The following MGAT4C variants were observed in gnomAD, a reference collection of about 807,000 sequenced individuals.
The protein encoded by MGAT4C is alpha-1,3-mannosyl-glycoprotein 4-beta-N-acetylglucosaminyltransferase C.
A neutral mutation model predicts 40.1 loss-of-function variants in MGAT4C; 19 were observed. The ratio of observed to expected loss-of-function variants is 0.47; its 90% CI spans 0.33 to 0.70. The LOEUF is 0.70. Among genes scored for constraint, MGAT4C ranks in the 30% least tolerant of loss-of-function variants. The probability of loss-of-function intolerance (pLI) is 0.02; values close to 1 mark genes in which losing one functional copy is unlikely to be tolerated. For missense variants in MGAT4C, 491 were observed against 563.2 expected (o/e 0.87, Z 1.30); for synonymous variants, 181 against 187.1 (o/e 0.97, Z 0.27).
intron 3 of MGAT4C, among the ~76,000 whole-genome samples, chr12:86,354,364 G>T (rs1438645413): frequency 2.0e-5 from 3 of 152,068 alleles, no homozygotes; most frequent in Non-Finnish European, 4.4e-5. Flanking sequence ...ATATATAGAA[G>T]AACTAGGCAT....
At chr12:86,103,522 T>C (rs1875513028) in intron 1 of MGAT4C, among the ~76,000 whole-genome samples, 1 of 152,182 alleles carries the variant, frequency 6.6e-6, no homozygotes, top group Middle Eastern at 3.2e-3. Context: ...AGAGCCTCTG[T>C]AGGGAGTGCC....
intron 2 of MGAT4C, among the ~76,000 whole-genome samples, chr12:86,707,866 G>T (rs1384783876): frequency 2.6e-5 from 4 of 152,132 alleles, no homozygotes; most frequent in Non-Finnish European, 5.9e-5. Flanking sequence ...AAACATTCAA[G>T]ATGTGACTTG....
At chr12:86,386,955 A>C (rs1956063719) in intron 3 of MGAT4C, among the ~76,000 whole-genome samples, 1 of 152,186 alleles carries the variant, frequency 6.6e-6, no homozygotes, top group Non-Finnish European at 1.5e-5. Flanking sequence ...TTTCTCTCAG[A>C]AGTCTAAGCT....
intron 4 of MGAT4C, among the ~76,000 whole-genome samples, chr12:86,316,589 A>G (rs1019223169): frequency 1.3e-5 from 2 of 152,220 alleles, no homozygotes; most frequent in Non-Finnish European, 2.9e-5. Context: ...GCTGAAGGCC[A>G]TTATCCTCAG....
chr12:86,591,491 TTTG>T (rs570262686), intron 2 of MGAT4C, among the ~76,000 whole-genome samples: 41 of 152,108 alleles, frequency 2.7e-4, no homozygotes, highest in Non-Finnish European at 5.0e-4. Context: ...TGCAATCTGC[TTTG>T]TTATTTTTTA....
chr12:86,138,311 T>G (rs997406714), intron 1 of MGAT4C, among the ~76,000 whole-genome samples: 1 of 148,896 alleles, frequency 6.7e-6, no homozygotes, highest in African/African-American at 2.5e-5. Context: ...TTACAATCAT[T>G]TTTTTTTTTT....
intron 1 of MGAT4C, among the ~76,000 whole-genome samples, chr12:86,173,199 A>G (rs754703322): frequency 3.9e-5 from 6 of 152,048 alleles, no homozygotes; most frequent in Non-Finnish European, 8.8e-5. Flanking sequence ...GTTATCCCTC[A>G]CCTAAAAGTG....
intron 1 of MGAT4C, among the ~76,000 whole-genome samples, chr12:86,781,688 C>A (rs940035504): frequency 6.6e-6 from 1 of 151,930 alleles, no homozygotes; most frequent in Non-Finnish European, 1.5e-5. Context: ...TTCAGTGATA[C>A]CATTTTAGAC....
rs562804703 is a variant in MGAT4C at position 85,976,691 on chromosome 12, T to G, written c.*2598A>C. The G allele has an allele frequency of 1.4e-5, 2 of 146,846 alleles. No homozygotes were observed. The highest frequency in any genetic ancestry group is 3.9e-4 in the East Asian group (2 of 5,114). The allele number at this position is 146,846 out of a possible 1,614,324, so 9.1% of individuals were successfully genotyped here. A position where few individuals can be genotyped will look rare whatever the true frequency, so the allele number is the denominator to read the frequency against. ...TATATTATATATATGTATATATGTA[T>G]TATATATGTATATATATATAAACTT... On this transcript the variant is annotated 3_prime_UTR_variant, in exon 5 of 5. Transcript: ENST00000611864.
At chr12:86,836,962 GA>G (rs1316307974) in intron 1 of MGAT4C, among the ~76,000 whole-genome samples, 1 of 152,020 alleles carries the variant, frequency 6.6e-6, no homozygotes, top group African/African-American at 2.4e-5. Context: ...TTTAAAAATA[GA>G]AAAGAGAGAG....
intron 2 of MGAT4C, among the ~76,000 whole-genome samples, chr12:86,621,324 T>G (rs898974930): frequency 1.8e-4 from 27 of 152,130 alleles, no homozygotes; most frequent in African/African-American, 6.5e-4. Flanking sequence ...AAATAATTGT[T>G]TTTGCATATT....
chr12:86,346,355 G>C (rs1955031995), intron 3 of MGAT4C, among the ~76,000 whole-genome samples: 1 of 152,080 alleles, frequency 6.6e-6, no homozygotes. Flanking sequence ...CTCCCAAGTA[G>C]CTGGAACTAC....
intron 1 of MGAT4C, among the ~76,000 whole-genome samples, chr12:86,773,529 A>T (rs943415968): frequency 6.6e-6 from 1 of 152,184 alleles, no homozygotes; most frequent in African/African-American, 2.4e-5. Context: ...CAAACAAACC[A>T]AAAACTTCTT....
At chr12:86,494,601 C>T (rs2136327098) in intron 2 of MGAT4C, among the ~76,000 whole-genome samples, 1 of 150,764 alleles carries the variant, frequency 6.6e-6, no homozygotes, top group Non-Finnish European at 1.5e-5. Flanking sequence ...GCAAGAAACC[C>T]CACAAACCAT....
At chr12:86,393,759 G>T (rs1202053638) in intron 3 of MGAT4C, among the ~76,000 whole-genome samples, 1 of 146,390 alleles carries the variant, frequency 6.8e-6, no homozygotes, top group Non-Finnish European at 1.5e-5. Context: ...TATGGAGAAT[G>T]ATGTCTTTCA....
upstream of MGAT4C, among the ~76,000 whole-genome samples, chr12:86,257,580 AT>A (rs1952558513): frequency 6.6e-6 from 1 of 152,226 alleles, no homozygotes. Flanking sequence ...ATGCTGTTTC[AT>A]TTATTTCTGA....
At chr12:86,670,737 A>C (rs1404320075) in intron 2 of MGAT4C, among the ~76,000 whole-genome samples, 3 of 152,176 alleles carry the variant, frequency 2.0e-5, no homozygotes, top group Admixed American at 2.0e-4. Context: ...ACTATAAAAA[A>C]TGAGCATCAC....
intron 2 of MGAT4C, among the ~76,000 whole-genome samples, chr12:86,589,362 G>A (rs539894757): frequency 9.6e-4 from 146 of 152,142 alleles, no homozygotes; most frequent in African/African-American, 3.2e-3. Context: ...GGAAGAAGTT[G>A]AATCTCTGAA....
At chr12:86,298,435 T>C (rs1426485953) in intron 4 of MGAT4C, among the ~76,000 whole-genome samples, 1 of 152,178 alleles carries the variant, frequency 6.6e-6, no homozygotes, top group Non-Finnish European at 1.5e-5. Context: ...ACCGATTTAA[T>C]GTTATACATC....
Sources: gnomAD v4.1 joint callset for allele counts (sites outside exome capture counted in the v4.1 genomes callset) on GRCh38, gnomAD v4.1.1 for gene constraint, MANE v1.5 for transcripts, NCBI Gene and HGNC (gene_info 2026-07-23, HGNC 2026-07-21) for gene names.